Variants in ANK2 observed in about 807,000 individuals in gnomAD.
ANK2 encodes the protein ankyrin 2.
A neutral mutation model predicts 360.5 loss-of-function variants in ANK2; 83 were observed. The ratio of observed to expected loss-of-function variants is 0.23; its 90% CI spans 0.19 to 0.28. The LOEUF (loss-of-function observed/expected upper bound fraction) is 0.28, where lower values mean the gene tolerates loss of function less well. ANK2 is among the 10% of genes least tolerant of loss of function. ANK2 has a pLI of 1.00. For missense variants in ANK2, 4,201 were observed against 4,795.7 expected, an observed-to-expected ratio of 0.88 and a Z score of 3.66; for synonymous variants, 1,740 against 1,759.5, an observed-to-expected ratio of 0.99 and a Z score of 0.28.
intron 1 of ANK2, among the ~76,000 whole-genome samples, chr4:113,098,902 G>A (rs1423938378): frequency 6.6e-6 from 1 of 151,838 alleles, no homozygotes; most frequent in Admixed American, 6.6e-5. Context: ...AAGAAAAATC[G>A]TATGATCATA....
At chr4:113,184,936 C>G (rs1022171118) in intron 2 of ANK2, among the ~76,000 whole-genome samples, 1 of 152,104 alleles carries the variant, frequency 6.6e-6, no homozygotes, top group Non-Finnish European at 1.5e-5. Context: ...TCAGCTCCCA[C>G]TTATGAGTGA....
At chr4:113,364,765 A>T (rs1406736652) in intron 40 of ANK2, among the ~76,000 whole-genome samples, 2 of 152,218 alleles carry the variant, frequency 1.3e-5, no homozygotes, top group Non-Finnish European at 2.9e-5. Flanking sequence ...GCATATTTAT[A>T]CTAAAGAAGT....
Position 113,354,515 on chromosome 4 carries a change from C to A in ANK2, c.5897C>A (p.Ser1966Tyr). 1 of 1,614,150 alleles carries A rather than the reference C, an allele frequency of 6.2e-7. No homozygotes were observed. The highest frequency in any genetic ancestry group is 8.5e-7 in the Non-Finnish European group (1 of 1,179,994). Residue 1966 changes from serine to tyrosine, a missense_variant, in exon 38 of 46, where the codon TCT becomes TAT. This residue lies in a region of ANK2 where 2,642 missense variants were observed against 2,714.5 expected (regional missense o/e 0.97). Transcript: ENST00000357077. ...GAGAAGCACCTGCCTGTGTCACCTTCTGGCAAAACAGAAAAGCAACCACCT... is the reference window on the plus strand; with the variant it reads ...GAGAAGCACCTGCCTGTGTCACCTTATGGCAAAACAGAAAAGCAACCACCT... ...KTEKHLPVSP[S>Y]GKTEKQPPVS...
chr4:113,054,026 A>G (rs1413875708), intron 1 of ANK2, among the ~76,000 whole-genome samples: 1 of 152,154 alleles, frequency 6.6e-6, no homozygotes, highest in Non-Finnish European at 1.5e-5. Context: ...GCTGTAGGAG[A>G]TTTTGGTAAT....
At chr4:113,011,359 G>C (rs1237586748) in intron 2 of ANK2, among the ~76,000 whole-genome samples, 1 of 152,058 alleles carries the variant, frequency 6.6e-6, no homozygotes, top group Non-Finnish European at 1.5e-5. Context: ...CTTTGGGCCT[G>C]AGAATTAAAC....
chr4:113,155,813 T>C (rs2097266728), intron 1 of ANK2, among the ~76,000 whole-genome samples: 1 of 152,138 alleles, frequency 6.6e-6, no homozygotes, highest in African/African-American at 2.4e-5. Context: ...AAAGTGTGAA[T>C]AGACAAATCA....
At chr4:112,753,782 C>T in the ANK2 span, among the ~76,000 whole-genome samples, 1 of 152,098 alleles carries the variant, frequency 6.6e-6, no homozygotes, top group South Asian at 2.1e-4. Flanking sequence ...ATGAATAACT[C>T]ACCCCTTGTT....
chr4:112,864,365 A>G (rs1365493686), intron 1 of ANK2, among the ~76,000 whole-genome samples: 1 of 152,130 alleles, frequency 6.6e-6, no homozygotes, highest in Non-Finnish European at 1.5e-5. Context: ...GCTGGAGTGC[A>G]ATGGCATGAT....
intron 1 of ANK2, among the ~76,000 whole-genome samples, chr4:112,868,059 A>G (rs1438066529): frequency 6.6e-6 from 1 of 152,128 alleles, no homozygotes; most frequent in Admixed American, 6.5e-5. Flanking sequence ...ATCCTCGCTA[A>G]CATTTGTTAT....
At chr4:112,947,773 T>C (rs906405929) in intron 2 of ANK2, among the ~76,000 whole-genome samples, 7 of 152,220 alleles carry the variant, frequency 4.6e-5, no homozygotes, top group Non-Finnish European at 1.0e-4. Context: ...CTTCTTTGGA[T>C]GAAATGTGTG....
intron 1 of ANK2, among the ~76,000 whole-genome samples, chr4:113,123,442 CTTTTTT>C (rs2095487256): frequency 6.6e-6 from 1 of 152,014 alleles, no homozygotes; most frequent in Non-Finnish European, 1.5e-5. Context: ...TTATGCCACT[CTTTTTT>C]ATTTGTATTT....
chr4:112,957,935 G>A (rs1339032495), intron 2 of ANK2, among the ~76,000 whole-genome samples: 2 of 151,138 alleles, frequency 1.3e-5, no homozygotes, highest in Non-Finnish European at 3.0e-5. Flanking sequence ...GCCAGGTAGA[G>A]GCGCTCCTCA....
intron 1 of ANK2, among the ~76,000 whole-genome samples, chr4:112,863,160 T>C (rs931028556): frequency 6.6e-6 from 1 of 152,162 alleles, no homozygotes; most frequent in Admixed American, 6.5e-5. Flanking sequence ...TTCTAAGATA[T>C]TTTAATTTAA....
intron 4 of ANK2, chr4:113,214,427 T>C (rs62313193): frequency 0.03 from 26,260 of 880,284 alleles, 2,949 homozygotes; most frequent in Middle Eastern, 0.044. Context: ...GGAGCCAAAA[T>C]GCTGTTTTAT....
chr4:112,944,967 G>A (rs749593070), intron 2 of ANK2, among the ~76,000 whole-genome samples: 3 of 152,210 alleles, frequency 2.0e-5, no homozygotes, highest in Non-Finnish European at 2.9e-5. Context: ...ATTTATATGA[G>A]TTATTACAAA....
At chr4:112,931,433 C>CTTTTTTTTT (rs59802557) in intron 2 of ANK2, among the ~76,000 whole-genome samples, 94 of 85,124 alleles carry the variant, frequency 1.1e-3, no homozygotes, top group Non-Finnish European at 1.5e-3. Flanking sequence ...TCTTTCTTTT[C>CTTTTTTTTT]TTTTTTTTTT....
intron 18 of ANK2, among the ~76,000 whole-genome samples, chr4:113,285,882 G>A (rs377132705): frequency 5.9e-5 from 9 of 152,272 alleles, no homozygotes; most frequent in African/African-American, 1.4e-4. Flanking sequence ...AACGCACAAC[G>A]TTATAACAAA....
At chr4:113,079,191 A>G (rs977977705) in intron 1 of ANK2, among the ~76,000 whole-genome samples, 5 of 152,116 alleles carry the variant, frequency 3.3e-5, no homozygotes, top group Non-Finnish European at 5.9e-5. Context: ...AGTATAGTTG[A>G]CCGACTCTTC....
At chr4:113,272,655 C>G (rs2058965788) in intron 14 of ANK2, among the ~76,000 whole-genome samples, 1 of 151,952 alleles carries the variant, frequency 6.6e-6, no homozygotes, top group African/African-American at 2.4e-5. Context: ...TAATGCTATA[C>G]AGTCTAAGAA....
Sources: gnomAD v4.1 joint callset for allele counts (sites outside exome capture counted in the v4.1 genomes callset) on GRCh38, gnomAD v4.1.1 for gene constraint, gnomAD v4.1.1 regional missense constraint, MANE v1.5 for transcripts, NCBI Gene and HGNC (gene_info 2026-07-23, HGNC 2026-07-21) for gene names.